FAM184B: variants seen among roughly 807,000 people sequenced by gnomAD.
FAM184B encodes the protein family with sequence similarity 184 member B.
In FAM184B, 111 loss-of-function variants were observed where a neutral mutation model predicts 135.9. The ratio of observed to expected loss-of-function variants is 0.82; its 90% CI spans 0.70 to 0.96. The LOEUF is 0.96. Among genes scored for constraint, FAM184B ranks in the 40% least tolerant of loss-of-function variants. The pLI, the probability that FAM184B is intolerant of heterozygous loss-of-function variation, is 0.00. For synonymous variants in FAM184B, 552 were observed against 524.8 expected, an observed-to-expected ratio of 1.05 and a Z score of -0.71; for missense variants, 1,375 against 1,323.9, an observed-to-expected ratio of 1.04 and a Z score of -0.60.
chr4:17,639,429 C>T, intron 13 of FAM184B, 33 bp from the exon 14 acceptor site: 1 of 1,549,182 alleles, frequency 6.5e-7, no homozygotes, highest in Non-Finnish European at 8.7e-7. Flanking sequence ...CAGGCTTGCC[C>T]AGCTCCAGGG....
At chr4:17,765,519 T>C (rs1442439964) in intron 1 of FAM184B, among the ~76,000 whole-genome samples, 1 of 147,724 alleles carries the variant, frequency 6.8e-6, no homozygotes, top group African/African-American at 2.7e-5. Flanking sequence ...GTATTGACAA[T>C]ATTTCACAGT....
chr4:17,633,490 A>T, intron 17 of FAM184B, 199 bp downstream of exon 17: 1 of 482,996 alleles, frequency 2.1e-6, no homozygotes, highest in Non-Finnish European at 3.6e-6. Flanking sequence ...ATTTGAATTC[A>T]GACCTCCAGG....
chr4:17,638,020 C>T (rs1422709999), intron 14 of FAM184B, among the ~76,000 whole-genome samples: 1 of 152,030 alleles, frequency 6.6e-6, no homozygotes, highest in African/African-American at 2.4e-5. Flanking sequence ...GGAGTGCCCT[C>T]ACCTCCTTGT....
intron 7 of FAM184B, among the ~76,000 whole-genome samples, chr4:17,684,198 A>G (rs1174099506): frequency 1.4e-5 from 2 of 138,976 alleles, no homozygotes; most frequent in Non-Finnish European, 3.1e-5. Context: ...TAAAATAGTT[A>G]TATAAAAAAT....
Position 17,713,240 on chromosome 4 carries a change from G to A in FAM184B, c.142-3596C>T, listed in dbSNP as rs576988810. 3.2e-4 allele frequency among the ~76,000 whole-genome samples: 49 copies of A among 152,320 alleles called. No individual in the cohort carries two copies. The South Asian group carries it at 7.7e-3, about 24-fold the overall frequency. Reference sequence around the variant, plus strand: ...TCTTAAAGAATGTAACTCAAGGTGCGATATGAATGTGACATCTTGTGAAGC... The same window carrying A: ...TCTTAAAGAATGTAACTCAAGGTGCAATATGAATGTGACATCTTGTGAAGC... On this transcript the variant is annotated intron_variant, in intron 1 of 17. Transcript: ENST00000265018.
chr4:17,653,927 G>GAGAGAGAGAGAGAGA (rs1469750605), intron 10 of FAM184B, among the ~76,000 whole-genome samples: 1 of 15,248 alleles, frequency 6.6e-5, no homozygotes, highest in African/African-American at 3.9e-4. Context: ...AGAGGGAGGG[G>GAGAGAGAGAGAGAGA]GAGGGGGATT....
At chr4:17,767,407 G>T (rs1040642155) in intron 1 of FAM184B, among the ~76,000 whole-genome samples, 3 of 152,202 alleles carry the variant, frequency 2.0e-5, no homozygotes, top group African/African-American at 7.2e-5. Context: ...GAAAGTTTTG[G>T]TTCCTATGAA....
chr4:17,708,767 G>A, intron 2 of FAM184B, 125 bp downstream of exon 2: 1 of 816,246 alleles, frequency 1.2e-6, no homozygotes, highest in Non-Finnish European at 1.8e-6. Context: ...GAATTCAATG[G>A]AGATAATAGG....
chr4:17,713,798 G>T (rs1717342105), intron 1 of FAM184B, among the ~76,000 whole-genome samples: 1 of 152,194 alleles, frequency 6.6e-6, no homozygotes, highest in Non-Finnish European at 1.5e-5. Flanking sequence ...GGATGTGGCA[G>T]GCTCTGTGCT....
intron 1 of FAM184B, among the ~76,000 whole-genome samples, chr4:17,766,904 G>T (rs1043368810): frequency 6.6e-6 from 1 of 152,206 alleles, no homozygotes; most frequent in Non-Finnish European, 1.5e-5. Context: ...AGCCTATGGT[G>T]CAGGGGAGGC....
At chr4:17,660,199 T>C (rs570242795) in intron 8 of FAM184B, 112 bp from the exon 9 acceptor site, 889 of 1,231,062 alleles carry the variant, frequency 7.2e-4, no homozygotes, top group Non-Finnish European at 8.3e-4. Context: ...CCGATAGCAG[T>C]TAGTGGGGAT....
chr4:17,776,866 C>T (rs1037401871), intron 1 of FAM184B, among the ~76,000 whole-genome samples: 1 of 152,112 alleles, frequency 6.6e-6, no homozygotes, highest in Non-Finnish European at 1.5e-5. Context: ...AATCGTACTT[C>T]CCTGTGACCT....
At chr4:17,759,223 G>A (rs1199590523) in intron 1 of FAM184B, among the ~76,000 whole-genome samples, 1 of 152,176 alleles carries the variant, frequency 6.6e-6, no homozygotes, top group African/African-American at 2.4e-5. Flanking sequence ...ATGTCGAATT[G>A]TAATCCCCAA....
rs375844975 is a variant in FAM184B, at chr4:17,632,569, G to A, written c.3146C>T (p.Pro1049Leu). The change falls in exon 18 of 18, where the codon CCG (proline) becomes CTG (leucine). Residue 1049 changes from proline to leucine, a missense_variant. Transcript: ENST00000265018. ...AKEVQQKQGS[P>L]HQEWFTKYFS... Reference sequence around the variant, plus strand: ...GTACTTGGTGAACCATTCCTGGTGCGGAGAGCCCTGTTTCTGCTGGACTTC... The same window carrying A: ...GTACTTGGTGAACCATTCCTGGTGCAGAGAGCCCTGTTTCTGCTGGACTTC... 1.4e-5 allele frequency: 21 copies of A among 1,551,252 alleles called. No homozygotes were observed. Among genetic ancestry groups the A allele is most frequent in the East Asian group, 7.3e-5 (3 of 40,924 alleles).
chr4:17,703,022 A>G (rs539799464), intron 5 of FAM184B, among the ~76,000 whole-genome samples: 1 of 152,324 alleles, frequency 6.6e-6, no homozygotes, highest in South Asian at 2.1e-4. Context: ...TCCACCACTT[A>G]GCTGTGTGTG....
At position 17,709,641 on chromosome 4, in the gene FAM184B, T is replaced by G; in HGVS notation, c.145A>C (p.Ile49Leu). Residue 49 changes from isoleucine (I) to leucine (L), a missense_variant, in exon 2 of 18, where the codon ATT (isoleucine) becomes CTT (leucine). Coordinates refer to ENST00000265018, the MANE Select transcript of FAM184B (RefSeq NM_015688.2). Reference protein sequence around the residue: ...CKKIAQLTKVIYALNTRQDEA... With the variant: ...CKKIAQLTKVLYALNTRQDEA... The stretch of plus-strand genomic sequence containing the variant: ...TCCTGGCGGGTGTTCAGGGCATAAA[T>G]CACCTGCAGGAAAATCAACAGAGCC... The G allele has an allele frequency of 6.7e-7, 1 of 1,491,910 alleles. No homozygotes were observed. The highest frequency in any genetic ancestry group is 8.9e-7 in the Non-Finnish European group (1 of 1,121,546). The allele number at this position is 1,491,910 out of a possible 1,614,324, so 92.4% of individuals were successfully genotyped here.
At chr4:17,727,809 C>T (rs1394066984) in intron 1 of FAM184B, among the ~76,000 whole-genome samples, 2 of 152,092 alleles carry the variant, frequency 1.3e-5, no homozygotes, top group African/African-American at 2.4e-5. Flanking sequence ...GACACAGAGC[C>T]GAACCATATC....
chr4:17,775,077 A>G (rs753651854), intron 1 of FAM184B, among the ~76,000 whole-genome samples: 37 of 144,244 alleles, frequency 2.6e-4, no homozygotes, highest in Non-Finnish European at 5.4e-4. Flanking sequence ...GCTCACTGCA[A>G]CCTCCGCCTC....
At chr4:17,700,891 G>C (rs1716968087) in intron 5 of FAM184B, among the ~76,000 whole-genome samples, 1 of 151,872 alleles carries the variant, frequency 6.6e-6, no homozygotes, top group Non-Finnish European at 1.5e-5. Flanking sequence ...AAATAACCAG[G>C]GTTATTTTGG....
Sources: allele counts gnomAD v4.1 joint callset (sites outside exome capture counted in the v4.1 genomes callset), GRCh38; gene constraint gnomAD v4.1.1; transcripts MANE v1.5; gene names NCBI Gene and HGNC (gene_info 2026-07-23, HGNC 2026-07-21).